The following GDAP1 variants were observed in gnomAD, a reference collection of about 807,000 sequenced individuals.
GDAP1 encodes the protein ganglioside induced differentiation associated protein 1.
Under a neutral mutation model 40.1 loss-of-function variants are expected in GDAP1, and 34 were observed. That is an observed-to-expected ratio of 0.85 (90% CI 0.64 to 1.13). The LOEUF (loss-of-function observed/expected upper bound fraction) is 1.13, where lower values mean the gene tolerates loss of function less well. Ranked by LOEUF, GDAP1 falls within the 50% of genes most tolerant of loss-of-function variation. The pLI is 0.00. For missense variants in GDAP1, 374 were observed against 433.7 expected (o/e 0.86, Z 1.22); for synonymous variants, 170 against 157.4 (o/e 1.08, Z -0.60).
intron 2 of GDAP1, among the ~76,000 whole-genome samples, chr8:74,450,083 CTT>C (rs1185786027): frequency 9.9e-6 from 1 of 101,142 alleles, no homozygotes; most frequent in Non-Finnish European, 2.1e-5. Flanking sequence ...GAAATATTTC[CTT>C]TGGTTTTTTT....
intron 2 of GDAP1, among the ~76,000 whole-genome samples, chr8:74,403,158 G>T (rs1421720246): frequency 6.7e-6 from 1 of 149,872 alleles, no homozygotes; most frequent in Non-Finnish European, 1.5e-5. Flanking sequence ...GGTGTATTTG[G>T]CCTATTAAAA....
In GDAP1 at chr8:74,365,298, A is replaced by AC; in HGVS notation, c.*932dup. 1 of 454,122 alleles carries AC rather than the reference A, an allele frequency of 2.2e-6. No homozygotes were observed. 28.1% of individuals were successfully genotyped at this position (454,122 alleles called of 1,614,324 possible). ...CATCTGTTTATGATCATCAACAAAGACTTGTTAGAAAGGTCTAGTCTTAGC... is the reference window on the plus strand; with the variant it reads ...CATCTGTTTATGATCATCAACAAAGACCTTGTTAGAAAGGTCTAGTCTTAGC... On this transcript the variant is annotated 3_prime_UTR_variant, in exon 6 of 6. Transcript: ENST00000220822.
At chr8:74,399,006 T>C (rs1339912983) in intron 2 of GDAP1, among the ~76,000 whole-genome samples, 1 of 152,094 alleles carries the variant, frequency 6.6e-6, no homozygotes, top group Non-Finnish European at 1.5e-5. Flanking sequence ...TGATCTAAAA[T>C]TCTCTTTTTT....
intron 2 of GDAP1, among the ~76,000 whole-genome samples, chr8:74,431,062 TTC>T (rs1014228351): frequency 6.8e-6 from 1 of 147,486 alleles, no homozygotes; most frequent in Admixed American, 6.8e-5. Flanking sequence ...ATTTCCACAT[TTC>T]TTTCTTTCTT....
At chr8:74,471,289 T>A (rs1383935086) in intron 2 of GDAP1, among the ~76,000 whole-genome samples, 1 of 152,158 alleles carries the variant, frequency 6.6e-6, no homozygotes, top group Non-Finnish European at 1.5e-5. Context: ...TTGTTGCCAT[T>A]GCTTTTGGTG....
At chr8:74,458,976 C>G (rs537195021) in intron 2 of GDAP1, among the ~76,000 whole-genome samples, 2 of 152,260 alleles carry the variant, frequency 1.3e-5, no homozygotes, top group African/African-American at 4.8e-5. Flanking sequence ...GGCCTCCAGA[C>G]TATGGGAGAA....
intron 2 of GDAP1, among the ~76,000 whole-genome samples, chr8:74,436,991 A>G (rs1412665707): frequency 6.6e-6 from 1 of 152,220 alleles, no homozygotes; most frequent in Admixed American, 6.5e-5. Flanking sequence ...ATTTTCTGCT[A>G]TTCACCAGTT....
intron 2 of GDAP1, among the ~76,000 whole-genome samples, chr8:74,420,212 G>A (rs1218510502): frequency 6.6e-6 from 1 of 152,080 alleles, no homozygotes; most frequent in Non-Finnish European, 1.5e-5. Flanking sequence ...AATTTTGGTG[G>A]GAACTTCATT....
intron 2 of GDAP1, among the ~76,000 whole-genome samples, chr8:74,418,089 C>T (rs921907996): frequency 1.3e-5 from 2 of 152,188 alleles, no homozygotes; most frequent in Non-Finnish European, 2.9e-5. Context: ...GGAATCTCAA[C>T]ATTTCAAAGA....
At chr8:74,372,580 T>A (rs1431627674) in intron 2 of GDAP1, among the ~76,000 whole-genome samples, 2 of 152,236 alleles carry the variant, frequency 1.3e-5, no homozygotes, top group Non-Finnish European at 2.9e-5. Context: ...TTGAGAAGTG[T>A]CTGTTCATAT....
chr8:74,449,139 C>G (rs1286203557), intron 2 of GDAP1, among the ~76,000 whole-genome samples: 1 of 151,758 alleles, frequency 6.6e-6, no homozygotes, highest in Non-Finnish European at 1.5e-5. Context: ...ACATTTTTGT[C>G]AAAAATCTAT....
chr8:74,368,537 CA>C (rs1454934926), downstream of GDAP1, among the ~76,000 whole-genome samples: 3 of 152,156 alleles, frequency 2.0e-5, no homozygotes, highest in Admixed American at 1.3e-4. Context: ...CATTCCCTTG[CA>C]ACATGATGTT....
chr8:74,482,125 G>A (rs936711073), intron 2 of GDAP1, among the ~76,000 whole-genome samples: 25 of 148,116 alleles, frequency 1.7e-4, no homozygotes, highest in Admixed American at 5.4e-4. Context: ...TTTTTGGGGG[G>A]GGGGGGTCAT....
intron 2 of GDAP1, among the ~76,000 whole-genome samples, chr8:74,446,658 C>T (rs1331297807): frequency 6.6e-6 from 1 of 152,064 alleles, no homozygotes; most frequent in African/African-American, 2.4e-5. Context: ...GTTTATTGAT[C>T]AATTACTAGG....
At chr8:74,455,057 A>G (rs1275485767) in intron 2 of GDAP1, among the ~76,000 whole-genome samples, 1 of 152,040 alleles carries the variant, frequency 6.6e-6, no homozygotes, top group Non-Finnish European at 1.5e-5. Flanking sequence ...TAGGAGAAGA[A>G]TAAAGACAAT....
chr8:74,352,627 C>G (rs563956131), intron 2 of GDAP1, among the ~76,000 whole-genome samples: 1 of 152,214 alleles, frequency 6.6e-6, no homozygotes, highest in African/African-American at 2.4e-5. Flanking sequence ...TTGTGATTGG[C>G]GGTTTTAATT....
At chr8:74,356,730 T>TGAGACGGAGTCTCGCTC (rs1809120676) in intron 2 of GDAP1, among the ~76,000 whole-genome samples, 1 of 145,800 alleles carries the variant, frequency 6.9e-6, no homozygotes, top group Admixed American at 6.8e-5. Flanking sequence ...TTTTTTTTTT[T>TGAGACGGAGTCTCGCTC]TTTGAGACGG....
At chr8:74,420,885 A>C (rs947026543) in intron 2 of GDAP1, among the ~76,000 whole-genome samples, 1 of 151,806 alleles carries the variant, frequency 6.6e-6, no homozygotes, top group African/African-American at 2.4e-5. Flanking sequence ...TACATGTGCC[A>C]TGGTGGGGCC....
intron 2 of GDAP1, among the ~76,000 whole-genome samples, chr8:74,420,896 T>C (rs906461128): frequency 1.3e-5 from 2 of 152,072 alleles, no homozygotes; most frequent in Non-Finnish European, 2.9e-5. Flanking sequence ...TGGTGGGGCC[T>C]GGTTATTACT....
Sources: gnomAD v4.1 joint callset for allele counts (sites outside exome capture counted in the v4.1 genomes callset) on GRCh38, gnomAD v4.1.1 for gene constraint, MANE v1.5 for transcripts, NCBI Gene and HGNC (gene_info 2026-07-23, HGNC 2026-07-21) for gene names.